Variants in ALDH1A3 observed in about 807,000 individuals in gnomAD.
The protein encoded by ALDH1A3 is retinaldehyde dehydrogenase 3.
ALDH1A3 carries 28 observed loss-of-function variants against 57.5 expected under a neutral mutation model. The ratio of observed to expected loss-of-function variants is 0.49; its 90% CI spans 0.36 to 0.67. The LOEUF is 0.67. Among genes scored for constraint, ALDH1A3 ranks in the 30% least tolerant of loss-of-function variants. ALDH1A3 has a pLI of 0.00. For missense variants in ALDH1A3, 507 were observed against 669.4 expected (o/e 0.76, Z 2.68); for synonymous variants, 281 against 264.8 (o/e 1.06, Z -0.59).
chr15:100,893,646 TGAG>T lies in ALDH1A3; in HGVS notation c.538-306_538-304del. 1.5e-5 allele frequency: 4 copies of T among 258,902 alleles called. No homozygotes were observed. Among genetic ancestry groups the T allele is most frequent in the South Asian group, 1.1e-4 (1 of 8,770 alleles). 16.0% of individuals were successfully genotyped at this position (258,902 alleles called of 1,614,324 possible). A position where few individuals can be genotyped will look rare whatever the true frequency, so the allele number is the denominator to read the frequency against. On this transcript the variant is annotated intron_variant, in intron 5 of 12. Coordinates refer to ENST00000329841, the MANE Select transcript of ALDH1A3 (RefSeq NM_000693.4). This position sits in a 1 kb window ranked among gnomAD's most constrained non-coding sequence, Gnocchi z 4.8. ...TGAAGAGCCAGGTGGCAACATGAAG[TGAG>T]GGTTCAAAAAGTGCCCATGGAGGCA...
At chr15:100,914,401 A>C in intron 12 of ALDH1A3, 1 of 223,016 alleles carries the variant, frequency 4.5e-6, no homozygotes, top group Non-Finnish European at 8.9e-6. Flanking sequence ...ACCCCAGGGA[A>C]TTCACCTCTT....
chr15:100,890,589 T>C (rs2041638984), intron 3 of ALDH1A3, among the ~76,000 whole-genome samples: 1 of 152,196 alleles, frequency 6.6e-6, no homozygotes, highest in South Asian at 2.1e-4. Flanking sequence ...TGTTGACCTG[T>C]AGGATTTATT....
chr15:100,910,374 C>G (rs771892955), intron 12 of ALDH1A3, among the ~76,000 whole-genome samples: 59 of 152,248 alleles, frequency 3.9e-4, no homozygotes, highest in Non-Finnish European at 6.3e-4. Context: ...ACACCTGCCC[C>G]TCCAGGGACA....
At position 100,894,184 on chromosome 15, in the gene ALDH1A3, A is replaced by G. The variant is rs1229530828; in HGVS notation, c.666+102A>G. On this transcript the variant is annotated intron_variant, in intron 6 of 12. Coordinates refer to ENST00000329841, the MANE Select transcript of ALDH1A3 (RefSeq NM_000693.4). The surrounding 1 kb of genome is among the most constrained non-coding windows in gnomAD (Gnocchi z 4.5). ...ATGGGACAGTGGCAGACTGCTGGCA[A>G]TCGAGTGGGAAGGGAATGACTTCCA... is the stretch of plus-strand genomic sequence containing the variant. 29 of 1,427,762 alleles carry G rather than the reference A, an allele frequency of 2.0e-5. No homozygotes were observed. The highest frequency in any genetic ancestry group is 2.6e-5 in the Non-Finnish European group (27 of 1,047,580). 88.4% of individuals were successfully genotyped at this position (1,427,762 alleles called of 1,614,324 possible). A position where few individuals can be genotyped will look rare whatever the true frequency, so the allele number is the denominator to read the frequency against.
At chr15:100,885,396 C>G (rs780934018) in intron 2 of ALDH1A3, 25 bp downstream of exon 2, 2 of 1,525,410 alleles carry the variant, frequency 1.3e-6, no homozygotes, top group Admixed American at 1.7e-5. Context: ...TAAATTTGCT[C>G]TAAGTAATTC....
intron 8 of ALDH1A3, 27 bp from the exon 9 acceptor site, chr15:100,900,548 C>T (rs1212504612): frequency 1.3e-6 from 2 of 1,554,820 alleles, no homozygotes; most frequent in Non-Finnish European, 1.7e-6. Context: ...CTCGCTCTGC[C>T]CGCCTCCCTC....
At chr15:100,902,953 A>T (rs2041784559) in intron 9 of ALDH1A3, among the ~76,000 whole-genome samples, 1 of 152,190 alleles carries the variant, frequency 6.6e-6, no homozygotes, top group Non-Finnish European at 1.5e-5. Context: ...CCCCTCAGGG[A>T]GGGGAAGAGC....
chr15:100,892,496 T>A lies in ALDH1A3; in HGVS notation c.346-14T>A. 6.2e-7 allele frequency: 1 copy of A among 1,609,176 alleles called. No individual in the cohort carries two copies. The highest frequency in any genetic ancestry group is 1.1e-5 in the South Asian group (1 of 89,658). On this transcript the variant is annotated splice_polypyrimidine_tract_variant and intron_variant, in intron 3 of 12. Transcript: ENST00000329841. ...CAAGCTATGTCCGAAACAGACATCA[T>A]CTTGTTATTGCAGGCCCTGGAGACG...
chr15:100,895,843 G>C (rs2041696933), intron 6 of ALDH1A3, 90 bp from the exon 7 acceptor site: 1 of 1,155,922 alleles, frequency 8.7e-7, no homozygotes, highest in East Asian at 2.6e-5. Context: ...CTGTGGGGAT[G>C]TGAGGCAGCC....
At chr15:100,912,662 A>C (rs1466553763) in intron 12 of ALDH1A3, among the ~76,000 whole-genome samples, 1 of 152,232 alleles carries the variant, frequency 6.6e-6, no homozygotes, top group African/African-American at 2.4e-5. Flanking sequence ...GGCACCTACC[A>C]TTCATTTTCT....
rs1279944242 is a variant in ALDH1A3, at chr15:100,916,372, G to C, written c.*1599G>C. On this transcript the variant is annotated 3_prime_UTR_variant, in exon 13 of 13. Coordinates refer to ENST00000329841, the MANE Select transcript of ALDH1A3 (RefSeq NM_000693.4). ...CATTGTACGATAATGTCTTTAATATGAAATGCTACATTATTTATAATTGGT... is the reference window on the plus strand; with the variant it reads ...CATTGTACGATAATGTCTTTAATATCAAATGCTACATTATTTATAATTGGT... 6.6e-6 allele frequency: 1 copy of C among 152,474 alleles called. No individual in the cohort carries two copies. The highest frequency in any genetic ancestry group is 2.4e-5 in the African/African-American group (1 of 41,434). 9.4% of individuals were successfully genotyped at this position (152,474 alleles called of 1,614,324 possible).
chr15:100,898,064 T>C lies in ALDH1A3; in HGVS notation c.781-19T>C. The C allele has an allele frequency of 6.2e-7, 1 of 1,608,900 alleles. No homozygotes were observed. The highest frequency in any genetic ancestry group is 2.2e-5 in the East Asian group (1 of 44,848). On this transcript the variant is annotated intron_variant, in intron 7 of 12. Transcript: ENST00000329841. ...CAGCAACATCCAAGGTAAATTGTGATCTGTGTTCTGTCCTGGAGGTTGGAA... is the reference window on the plus strand; with the variant it reads ...CAGCAACATCCAAGGTAAATTGTGACCTGTGTTCTGTCCTGGAGGTTGGAA...
chr15:100,913,911 T>C (rs1260532762), intron 12 of ALDH1A3: 2 of 152,226 alleles, frequency 1.3e-5, no homozygotes, highest in Non-Finnish European at 2.9e-5. Context: ...CACACATTTT[T>C]CTTCACCTGA....
chr15:100,892,558 A>G lies in ALDH1A3; in HGVS notation c.394A>G (p.Ile132Val), dbSNP rs142560469. The change falls in exon 4 of 13, where the codon ATC (isoleucine) becomes GTC (valine). Residue 132 changes from isoleucine to valine, a missense_variant. Ile to Val is a conservative substitution (Grantham distance 29). Around this residue, in one of 2 missense-constraint regions of ALDH1A3, gnomAD observed 432 missense variants for 608.4 expected, o/e 0.71. Coordinates refer to ENST00000329841, the MANE Select transcript of ALDH1A3 (RefSeq NM_000693.4). ...GAAGCCATTTCTTCATGCTTTTTTCATCGACCTGGAGGGCTGTATTAGAAC... is the reference window on the plus strand; with the variant it reads ...GAAGCCATTTCTTCATGCTTTTTTCGTCGACCTGGAGGGCTGTATTAGAAC... ...TGKPFLHAFF[I>V]DLEGCIRTLR... The G allele has an allele frequency of 5.0e-6, 8 of 1,613,170 alleles. No homozygotes were observed. In the African/African-American group the frequency reaches 5.3e-5, roughly 11 times the overall value.
At chr15:100,912,690 G>T (rs933379686) in intron 12 of ALDH1A3, among the ~76,000 whole-genome samples, 2 of 152,078 alleles carry the variant, frequency 1.3e-5, no homozygotes, top group African/African-American at 4.8e-5. Context: ...ACATAGTAGG[G>T]GCTCTACATG....
chr15:100,894,258 A>G lies in ALDH1A3; in HGVS notation c.666+176A>G, dbSNP rs554061151. ...TTCTTTCTCCTGCTTGTGGCCACTG[A>G]GCTGGAGAAACTCCATTCCTCCCAG... On this transcript the variant is annotated intron_variant, in intron 6 of 12. Transcript: ENST00000329841. This position sits in a 1 kb window ranked among gnomAD's most constrained non-coding sequence, Gnocchi z 4.5. 9.6e-5 allele frequency: 70 copies of G among 727,314 alleles called. No homozygotes were observed. The South Asian group carries it at 1.2e-3, about 12-fold the overall frequency. 45.1% of individuals were successfully genotyped at this position (727,314 alleles called of 1,614,324 possible).
intron 1 of ALDH1A3, among the ~76,000 whole-genome samples, chr15:100,881,667 G>A (rs4646647): frequency 1.1e-4 from 17 of 151,950 alleles, no homozygotes; most frequent in African/African-American, 4.8e-5. Flanking sequence ...TGGTGGGTGC[G>A]CAACCTTTGC....
intron 2 of ALDH1A3, among the ~76,000 whole-genome samples, chr15:100,886,885 G>A (rs2041599957): frequency 6.6e-6 from 1 of 152,162 alleles, no homozygotes; most frequent in African/African-American, 2.4e-5. Flanking sequence ...AGAAAGGAAG[G>A]AATTTCCCCA....
intron 12 of ALDH1A3, among the ~76,000 whole-genome samples, chr15:100,911,297 G>A (rs576188251): frequency 3.9e-5 from 6 of 152,296 alleles, no homozygotes; most frequent in South Asian, 2.1e-4. Context: ...GCTTCTGGCC[G>A]CCCACCCACG....
Sources: allele counts gnomAD v4.1 joint callset (sites outside exome capture counted in the v4.1 genomes callset), GRCh38; gene constraint gnomAD v4.1.1; regional missense constraint gnomAD v4.1.1; non-coding constraint Gnocchi (gnomAD v3.1); transcripts MANE v1.5; gene names NCBI Gene and HGNC (gene_info 2026-07-23, HGNC 2026-07-21).